NBEAL1: variants seen among roughly 807,000 people sequenced by gnomAD.
The protein encoded by NBEAL1 is neurobeachin-like protein 1.
In NBEAL1, 273 loss-of-function variants were observed where a neutral mutation model predicts 351.3. The ratio of observed to expected loss-of-function variants is 0.78; its 90% confidence interval spans 0.70 to 0.86. The LOEUF is 0.86. Among genes scored for constraint, NBEAL1 ranks in the 40% least tolerant of loss-of-function variants. The pLI, the probability that NBEAL1 is intolerant of heterozygous loss-of-function variation, is 0.00. For synonymous variants in NBEAL1, 1,050 were observed against 1,086.4 expected (o/e 0.97, Z 0.66); for missense variants, 2,961 against 3,201.3 (o/e 0.92, Z 1.81).
At chr2:203,036,567 ATCT>A (rs1219698535) in intron 2 of NBEAL1, among the ~76,000 whole-genome samples, 3 of 149,248 alleles carry the variant, frequency 2.0e-5, no homozygotes, top group Admixed American at 1.3e-4. Context: ...GGGAAATTAA[ATCT>A]TCTTCATTGG....
intron 41 of NBEAL1, among the ~76,000 whole-genome samples, chr2:203,173,426 T>C (rs2064384753): frequency 6.6e-6 from 1 of 152,158 alleles, no homozygotes; most frequent in South Asian, 2.1e-4. Context: ...AATTTCCCTT[T>C]TTCTCCCTGT....
chr2:203,152,699 C>G (rs1316851658), intron 35 of NBEAL1, among the ~76,000 whole-genome samples: 1 of 152,024 alleles, frequency 6.6e-6, no homozygotes. Context: ...TCTTCTCTCC[C>G]TTTTTTAAGA....
rs200435562 is a variant in NBEAL1, at chr2:203,145,093, A to T, written c.5237A>T (p.Tyr1746Phe). 312 of 1,613,392 alleles carry T rather than the reference A, an allele frequency of 1.9e-4. No homozygotes were observed. The highest frequency in any genetic ancestry group is 1.5e-4 in the Non-Finnish European group (178 of 1,179,794). ...ENMALYWKDC[Y>F]EALMVNMHKR... ...ATGGCACTTTATTGGAAGGATTGTTATGAAGCTTTAATGGTAAATATGCAT... is the reference window on the plus strand; with the variant it reads ...ATGGCACTTTATTGGAAGGATTGTTTTGAAGCTTTAATGGTAAATATGCAT... Residue 1746 changes from tyrosine (Y) to phenylalanine (F), a missense_variant, in exon 33 of 56, where the codon TAT (tyrosine) becomes TTT (phenylalanine). Physicochemically the swap from Tyr to Phe is conservative, Grantham distance 22. Coordinates refer to ENST00000683969, the MANE Select transcript of NBEAL1 (RefSeq NM_001378026.1).
chr2:203,155,865 C>G (rs886258498), intron 35 of NBEAL1, among the ~76,000 whole-genome samples: 1 of 152,104 alleles, frequency 6.6e-6, no homozygotes, highest in Non-Finnish European at 1.5e-5. Context: ...GTTCCCAGAT[C>G]CATTCCTAGA....
At chr2:203,116,212 G>T in intron 18 of NBEAL1, 142 bp downstream of exon 18, 4 of 651,656 alleles carry the variant, frequency 6.1e-6, no homozygotes, top group Non-Finnish European at 1.1e-5. Context: ...ATTTTCAAAG[G>T]AAGGTGAGAA....
intron 55 of NBEAL1, chr2:203,213,866 C>T: frequency 1.3e-6 from 1 of 769,884 alleles, no homozygotes; most frequent in Non-Finnish European, 1.6e-6. Flanking sequence ...GCAATTCTAT[C>T]TACCACTCTA....
At chr2:203,038,855 T>G (rs2061081230) in intron 2 of NBEAL1, among the ~76,000 whole-genome samples, 1 of 148,360 alleles carries the variant, frequency 6.7e-6, no homozygotes, top group Admixed American at 6.8e-5. Context: ...TTTTTTTCTA[T>G]TTTTTGAAGA....
chr2:203,161,295 C>T (rs2063948770), intron 36 of NBEAL1, among the ~76,000 whole-genome samples: 1 of 144,218 alleles, frequency 6.9e-6, no homozygotes, highest in African/African-American at 2.6e-5. Context: ...CCACTGCACT[C>T]CAGCCTGGGC....
chr2:203,106,879 T>G (rs2062451551), intron 12 of NBEAL1, among the ~76,000 whole-genome samples: 1 of 152,198 alleles, frequency 6.6e-6, no homozygotes, highest in Non-Finnish European at 1.5e-5. Flanking sequence ...ACATGTGACA[T>G]AGAACTTCCT....
chr2:203,025,878 G>T (rs576350281), intron 2 of NBEAL1, among the ~76,000 whole-genome samples: 2 of 152,058 alleles, frequency 1.3e-5, no homozygotes, highest in Admixed American at 6.5e-5. Context: ...TTTCTTGGAG[G>T]TTCTTTTTTT....
intron 43 of NBEAL1, among the ~76,000 whole-genome samples, chr2:203,180,761 A>G (rs1458213799): frequency 6.6e-6 from 1 of 152,046 alleles, no homozygotes; most frequent in Non-Finnish European, 1.5e-5. Flanking sequence ...TTACTAGGGA[A>G]GCAAAAATGA....
At chr2:203,049,141 G>A (rs557917168) in intron 3 of NBEAL1, among the ~76,000 whole-genome samples, 2 of 152,092 alleles carry the variant, frequency 1.3e-5, no homozygotes, top group East Asian at 1.9e-4. Context: ...TGAGTAGCTG[G>A]GACGAATTTA....
At chr2:203,101,214 C>A (rs2062312346) in intron 12 of NBEAL1, among the ~76,000 whole-genome samples, 1 of 152,172 alleles carries the variant, frequency 6.6e-6, no homozygotes, top group South Asian at 2.1e-4. Context: ...CAGTCTTCTG[C>A]ATATTGCTAG....
Position 203,144,997 on chromosome 2 carries a change from A to AT in NBEAL1, c.5155-7dup, listed in dbSNP as rs747703720. The stretch of plus-strand genomic sequence containing the variant: ...ATATTAAATTTTATGTATCTTTTTT[A>AT]TTTTTTTGGTAAGATTGTACCTTAT... On this transcript the variant is annotated splice_polypyrimidine_tract_variant and intron_variant, in intron 32 of 55. Transcript: ENST00000683969. 2.5e-4 allele frequency: 375 copies of AT among 1,527,082 alleles called. No homozygotes were observed. The highest frequency in any genetic ancestry group is 8.6e-4 in the Middle Eastern group (5 of 5,798). The allele number at this position is 1,527,082 out of a possible 1,614,324, so 94.6% of individuals were successfully genotyped here. A position where few individuals can be genotyped will look rare whatever the true frequency, so the allele number is the denominator to read the frequency against.
chr2:203,126,913 A>T lies in NBEAL1; in HGVS notation c.3235A>T (p.Arg1079Trp). The change falls in exon 23 of 56, where the codon AGG becomes TGG. Residue 1079 changes from arginine (R) to tryptophan (W), a missense_variant. Coordinates refer to ENST00000683969, the MANE Select transcript of NBEAL1 (RefSeq NM_001378026.1). ...YGVQFLLDTL[R>W]IYYGNGCKYN... ...TGTGCAGTTTCTCCTAGATACACTT[A>T]GGATTTATTATGGGTATGATGCCCT... The T allele has an allele frequency of 6.5e-7, 1 of 1,546,494 alleles. No homozygotes were observed.
chr2:203,018,496 G>A (rs187491253), intron 2 of NBEAL1, among the ~76,000 whole-genome samples: 17 of 152,170 alleles, frequency 1.1e-4, no homozygotes, highest in Admixed American at 5.2e-4. Context: ...ATGTGTGCAT[G>A]TATGTATATA....
At chr2:203,127,162 G>T (rs934979705) in intron 23 of NBEAL1, among the ~76,000 whole-genome samples, 3 of 152,104 alleles carry the variant, frequency 2.0e-5, no homozygotes, top group Non-Finnish European at 4.4e-5. Context: ...CTGTGCTTGG[G>T]TTTCTTCATT....
chr2:203,216,882 C>T lies in NBEAL1; in HGVS notation c.8071-371C>T, dbSNP rs2065903176. Among the ~76,000 whole-genome samples the T allele has an allele frequency of 1.3e-5, 2 of 152,182 alleles. 1 individual carries two copies. Among genetic ancestry groups the T allele is most frequent in the African/African-American group, 4.8e-5 (2 of 41,446 alleles). ...ACAGTGGCACGATCTTGGCTTACTG[C>T]AACCTCTGCCTCTCAGGTTCAAGCA... On this transcript the variant is annotated intron_variant, in intron 55 of 55. Coordinates refer to ENST00000683969, the MANE Select transcript of NBEAL1 (RefSeq NM_001378026.1).
rs1356216436 is a variant in NBEAL1, at chr2:203,217,497, A to G, written c.*143A>G. 4 of 1,293,742 alleles carry G rather than the reference A, an allele frequency of 3.1e-6. No individual in the cohort carries two copies. Among genetic ancestry groups the G allele is most frequent in the Non-Finnish European group, 3.9e-6 (4 of 1,018,768 alleles). The allele number at this position is 1,293,742 out of a possible 1,614,324, so 80.1% of individuals were successfully genotyped here. ...AGATAACCACAATTTGCTGTGGTAT[A>G]TAAACTAATTCTTGGTCTATACTAA... On this transcript the variant is annotated 3_prime_UTR_variant, in exon 56 of 56. Transcript: ENST00000683969.
Sources: allele counts gnomAD v4.1 joint callset (sites outside exome capture counted in the v4.1 genomes callset), GRCh38; gene constraint gnomAD v4.1.1; transcripts MANE v1.5; gene names NCBI Gene and HGNC (gene_info 2026-07-23, HGNC 2026-07-21).